Variants in CBFA2T3 observed in about 807,000 individuals in gnomAD.
CBFA2T3 encodes transcriptional corepressor CBFA2T3.
Under a neutral mutation model 58.6 loss-of-function variants are expected in CBFA2T3, and 31 were observed. That is an observed-to-expected ratio of 0.53 (90% confidence interval 0.40 to 0.71). The LOEUF is 0.71. CBFA2T3 is among the 30% of genes least tolerant of loss of function. The pLI, the probability that CBFA2T3 is intolerant of heterozygous loss-of-function variation, is 0.00. For synonymous variants in CBFA2T3, 531 were observed against 421.9 expected (o/e 1.26, Z -3.17); for missense variants, 1,076 against 963.1 (o/e 1.12, Z -1.55).
At position 88,882,077 on chromosome 16, in the gene CBFA2T3, G is replaced by A. The variant is rs574572023; in HGVS notation, c.1204-588C>T. On this transcript the variant is annotated intron_variant, in intron 8 of 11. Coordinates refer to ENST00000268679, the MANE Select transcript of CBFA2T3 (RefSeq NM_005187.6). ...AGCAAGGCCCGCCATGAGGGTTTTA[G>A]GAATCCTCCTCCCTGGGCCTCTCGA... 2.0e-5 allele frequency among the ~76,000 whole-genome samples: 3 copies of A among 152,356 alleles called. No homozygotes were observed. In the East Asian group the frequency reaches 5.8e-4, roughly 29 times the overall value.
chr16:88,953,344 A>T lies in CBFA2T3; in HGVS notation c.151+23313T>A, dbSNP rs1972128224. Reference sequence around the variant, plus strand: ...AGGTTCACGGAAGAACGAAGGAAGGAGTGAGCGTGGGGAGAGCCAGCCAGG... The same window carrying T: ...AGGTTCACGGAAGAACGAAGGAAGGTGTGAGCGTGGGGAGAGCCAGCCAGG... On this transcript the variant is annotated intron_variant, in intron 1 of 11. Coordinates refer to ENST00000268679, the MANE Select transcript of CBFA2T3 (RefSeq NM_005187.6). The surrounding 1 kb of genome is among the most constrained non-coding windows in gnomAD (Gnocchi z 4.9). Among the ~76,000 whole-genome samples, 2 of 152,098 alleles carry T rather than the reference A, an allele frequency of 1.3e-5. No homozygotes were observed. Among genetic ancestry groups the T allele is most frequent in the African/African-American group, 2.4e-5 (1 of 41,402 alleles).
intron 8 of CBFA2T3, chr16:88,881,762 G>A (rs1038640895): frequency 1.6e-4 from 68 of 434,480 alleles, no homozygotes; most frequent in Non-Finnish European, 2.5e-4. Flanking sequence ...CCCGCTCAGC[G>A]GGGCTCTGCC....
chr16:88,941,057 G>T, intron 1 of CBFA2T3: 1 of 985,740 alleles, frequency 1.0e-6, no homozygotes. Flanking sequence ...GCGGCGGACG[G>T]CGCACACTCG....
intron 1 of CBFA2T3, among the ~76,000 whole-genome samples, chr16:88,928,634 G>A (rs1971165425): frequency 6.6e-6 from 1 of 152,232 alleles, no homozygotes; most frequent in Non-Finnish European, 1.5e-5. Flanking sequence ...CGTCCCTCAG[G>A]CAAGACAGGG....
Position 88,876,254 on chromosome 16 carries a change from G to A in CBFA2T3, c.*722C>T, listed in dbSNP as rs1597648933. Reference sequence around the variant, plus strand: ...CTTTGCTTTTTTAAAAAAACTTTTTGGATTTTTACTTAAAGCCAAAGAGTT... The same window carrying A: ...CTTTGCTTTTTTAAAAAAACTTTTTAGATTTTTACTTAAAGCCAAAGAGTT... On this transcript the variant is annotated 3_prime_UTR_variant, in exon 12 of 12. Transcript: ENST00000268679. The A allele has an allele frequency of 4.4e-6, 1 of 228,720 alleles. No individual in the cohort carries two copies. 14.2% of individuals were successfully genotyped at this position (228,720 alleles called of 1,614,324 possible).
chr16:88,894,576 ACATG>A (rs1349625786), intron 3 of CBFA2T3, among the ~76,000 whole-genome samples: 5 of 150,084 alleles, frequency 3.3e-5, no homozygotes, highest in Non-Finnish European at 5.9e-5. Flanking sequence ...ATGCACACAC[ACATG>A]CATACATATA....
chr16:88,886,468 G>C (rs1340586739), intron 5 of CBFA2T3: 1 of 258,408 alleles, frequency 3.9e-6, no homozygotes, highest in East Asian at 7.0e-5. Flanking sequence ...GCGTGGTCTG[G>C]AGAAGGCGAG....
chr16:88,965,600 CT>C (rs1972481846), intron 1 of CBFA2T3, among the ~76,000 whole-genome samples: 1 of 152,226 alleles, frequency 6.6e-6, no homozygotes. Flanking sequence ...GCCTCACACA[CT>C]GTATGCAGCT....
rs551900678 is a variant in CBFA2T3 at position 88,929,303 on chromosome 16, G to A, written c.152-27647C>T. 2.9e-4 allele frequency among the ~76,000 whole-genome samples: 44 copies of A among 152,318 alleles called. 1 individual carries two copies. The highest frequency in any genetic ancestry group is 1.2e-3 in the South Asian group (6 of 4,830). The stretch of plus-strand genomic sequence containing the variant: ...GCAAACGGCATCCATCACCGGGGCC[G>A]GCACACCATCGCCTGTGAGAGGCGT... On this transcript the variant is annotated intron_variant, in intron 1 of 11. Transcript: ENST00000268679.
At chr16:88,951,352 G>T (rs906885167) in intron 1 of CBFA2T3, 7 of 457,240 alleles carry the variant, frequency 1.5e-5, no homozygotes, top group Non-Finnish European at 3.1e-5. Context: ...CCCTTTGTTT[G>T]TTGAGTGACT....
intron 1 of CBFA2T3, among the ~76,000 whole-genome samples, chr16:88,963,717 G>A (rs1368839076): frequency 6.6e-6 from 1 of 152,232 alleles, no homozygotes; most frequent in Non-Finnish European, 1.5e-5. Context: ...AGATTTTAGC[G>A]GCGTCATGCC....
chr16:88,895,654 G>C (rs145403687), intron 3 of CBFA2T3, among the ~76,000 whole-genome samples: 6 of 152,158 alleles, frequency 3.9e-5, no homozygotes, highest in Admixed American at 2.6e-4. Flanking sequence ...CTCCCCCGGG[G>C]CCCAGCGCTC....
rs759959618 is a variant in CBFA2T3 at position 88,891,958 on chromosome 16, G to T, written c.635C>A (p.Thr212Lys). The T allele has an allele frequency of 6.2e-7, 1 of 1,612,716 alleles. No homozygotes were observed. Among genetic ancestry groups the T allele is most frequent in the Admixed American group, 1.7e-5 (1 of 59,982 alleles). The change falls in exon 5 of 12, where the codon ACG (threonine) becomes AAG (lysine). Residue 212 changes from threonine to lysine, a missense_variant. Transcript: ENST00000268679. Reference protein sequence around the residue: ...LVLGLVNSTLTIEEFHSKLQE... With the variant: ...LVLGLVNSTLKIEEFHSKLQE... ...AAGCTTGGAATGAAACTCCTCGATC[G>T]TCAATGTCGAGTTCTGCAGGGGAGA...
rs189868967 is a variant in CBFA2T3 at position 88,937,394 on chromosome 16, C to T, written c.152-35738G>A. 5.2e-3 allele frequency: 802 copies of T among 152,968 alleles called. 7 individuals are homozygous for T. Among genetic ancestry groups the T allele is most frequent in the African/African-American group, 0.019 (773 of 41,576 alleles). 9.5% of individuals were successfully genotyped at this position (152,968 alleles called of 1,614,324 possible). On this transcript the variant is annotated intron_variant, in intron 1 of 11. Coordinates refer to ENST00000268679, the MANE Select transcript of CBFA2T3 (RefSeq NM_005187.6). ...TGCACCTCCCTAGCCAGTACCCCAG[C>T]AGTTGTGTTTCCACCCCTCTCCTGC...
rs200613923 is a variant in CBFA2T3 at position 88,892,356 on chromosome 16, C to T, written c.509G>A (p.Gly170Glu). The change falls in exon 4 of 12, where the codon GGG (glycine) becomes GAG (glutamate). Residue 170 changes from glycine to glutamate, a missense_variant. Gly to Glu is a moderately conservative substitution (Grantham distance 98). Transcript: ENST00000268679. The stretch of plus-strand genomic sequence containing the variant: ...CTTGAGCTTGCTGAGCTGCCGGGCC[C>T]CGCAGGCTGGGGGCAGGTGCTGTGT... ...LSTQHLPPAC[G>E]ARQLSKLKRF... 1.4e-5 allele frequency: 23 copies of T among 1,613,260 alleles called. No individual in the cohort carries two copies. Among genetic ancestry groups the T allele is most frequent in the Non-Finnish European group, 1.9e-5 (22 of 1,179,992 alleles).
chr16:88,887,610 C>T (rs966546701), intron 5 of CBFA2T3, among the ~76,000 whole-genome samples: 2 of 152,072 alleles, frequency 1.3e-5, no homozygotes, highest in Non-Finnish European at 2.9e-5. Context: ...TGCACAGCAG[C>T]CCTCGGCAAG....
chr16:88,878,657 G>C (rs1968933432), intron 11 of CBFA2T3, among the ~76,000 whole-genome samples: 1 of 152,176 alleles, frequency 6.6e-6, no homozygotes, highest in African/African-American at 2.4e-5. Flanking sequence ...AGAGAACACG[G>C]GTTTCAGGCC....
chr16:88,896,843 G>T (rs551107636), intron 3 of CBFA2T3, among the ~76,000 whole-genome samples: 1 of 152,180 alleles, frequency 6.6e-6, no homozygotes, highest in Non-Finnish European at 1.5e-5. Flanking sequence ...CTTGCCCCGG[G>T]TGCCTGGTCC....
chr16:88,898,175 A>G lies in CBFA2T3; in HGVS notation c.305-23T>C, dbSNP rs752185374. 20 of 1,591,962 alleles carry G rather than the reference A, an allele frequency of 1.3e-5. No homozygotes were observed. The Admixed American group carries it at 1.3e-4, about 11-fold the overall frequency. ...GATCTGTAAGCAAAATAAGAAGAAC[A>G]CGCTGTCAGGAGGGGCGTGGGCAGG... On this transcript the variant is annotated intron_variant, in intron 2 of 11. Coordinates refer to ENST00000268679, the MANE Select transcript of CBFA2T3 (RefSeq NM_005187.6).
Sources: gnomAD v4.1 joint callset for allele counts (sites outside exome capture counted in the v4.1 genomes callset) on GRCh38, gnomAD v4.1.1 for gene constraint, Gnocchi (gnomAD v3.1) non-coding constraint, MANE v1.5 for transcripts, NCBI Gene and HGNC (gene_info 2026-07-23, HGNC 2026-07-21) for gene names.